ABCB1: variants seen among roughly 807,000 people sequenced by gnomAD.
The protein encoded by ABCB1 is ATP-dependent translocase ABCB1.
ABCB1 carries 69 observed loss-of-function variants against 142.0 expected under a neutral mutation model. The ratio of observed to expected loss-of-function variants is 0.49; its 90% CI spans 0.40 to 0.59. The LOEUF (loss-of-function observed/expected upper bound fraction) is 0.59, where lower values mean the gene tolerates loss of function less well. Ranked by LOEUF, ABCB1 falls within the 20% of genes least tolerant of loss-of-function variation. The probability of loss-of-function intolerance (pLI) is 0.00; values close to 1 mark genes in which losing one functional copy is unlikely to be tolerated. For missense variants in ABCB1, 1,326 were observed against 1,554.7 expected (o/e 0.85, Z 2.47); for synonymous variants, 532 against 539.2 (o/e 0.99, Z 0.18).
At chr7:87,706,335 G>T (rs923478135) in intron 1 of ABCB1, among the ~76,000 whole-genome samples, 10 of 151,970 alleles carry the variant, frequency 6.6e-5, no homozygotes, top group South Asian at 2.1e-4. Context: ...CATTTTATAA[G>T]ATCAGCTTGG....
At chr7:87,556,166 T>C (rs544234530) in intron 8 of ABCB1, among the ~76,000 whole-genome samples, 25 of 152,176 alleles carry the variant, frequency 1.6e-4, no homozygotes, top group Non-Finnish European at 3.2e-4. Context: ...TAAAAGAGAC[T>C]AAAGTTATAT....
At chr7:87,698,712 T>C (rs1476508678) in intron 1 of ABCB1, among the ~76,000 whole-genome samples, 1 of 152,194 alleles carries the variant, frequency 6.6e-6, no homozygotes, top group African/African-American at 2.4e-5. Context: ...GTGTTAGAGA[T>C]TGATCTAAAA....
intron 1 of ABCB1, among the ~76,000 whole-genome samples, chr7:87,680,743 C>A (rs181254158): frequency 6.7e-6 from 1 of 149,616 alleles, no homozygotes; most frequent in Non-Finnish European, 1.5e-5. Flanking sequence ...TGCAGTGAGC[C>A]AAGATCGCGC....
chr7:87,699,966 C>G (rs1828871069), intron 1 of ABCB1, among the ~76,000 whole-genome samples: 1 of 151,140 alleles, frequency 6.6e-6, no homozygotes, highest in African/African-American at 2.4e-5. Context: ...TTTGAAGTAT[C>G]CTTATGAAGA....
At chr7:87,612,070 C>A (rs1171214600) in intron 1 of ABCB1, among the ~76,000 whole-genome samples, 2 of 152,088 alleles carry the variant, frequency 1.3e-5, no homozygotes, top group African/African-American at 2.4e-5. Flanking sequence ...TGATTATCTT[C>A]ATTTTAAAGA....
At chr7:87,507,655 G>A (rs1021415088) in intron 26 of ABCB1, among the ~76,000 whole-genome samples, 3 of 152,174 alleles carry the variant, frequency 2.0e-5, no homozygotes, top group South Asian at 2.1e-4. Flanking sequence ...TTGGGAAAGA[G>A]AGCCACCTGG....
intron 1 of ABCB1, among the ~76,000 whole-genome samples, chr7:87,701,963 G>T (rs1829082496): frequency 6.6e-6 from 1 of 151,788 alleles, no homozygotes; most frequent in African/African-American, 2.4e-5. Flanking sequence ...CTAACATGGT[G>T]AAACCCCGTC....
At chr7:87,700,908 G>T (rs1479665025) in intron 1 of ABCB1, among the ~76,000 whole-genome samples, 1 of 152,214 alleles carries the variant, frequency 6.6e-6, no homozygotes, top group East Asian at 1.9e-4. Context: ...ACGAATTAAT[G>T]CAGTGACATC....
In ABCB1 at chr7:87,509,347, C is replaced by T. The variant is rs748647411; in HGVS notation, c.3417G>A (p.Val1139=). The change falls in exon 26 of 28, where the codon GTG becomes GTA. Residue 1139 remains valine (V), a synonymous_variant. Coordinates refer to ENST00000622132, the MANE Select transcript of ABCB1 (RefSeq NM_001348946.2). ...CCCTCACAATCTCTTCCTGTGACAC[C>T]ACCCGGCTGTTGTCTCCATAGGCAA... ...ENIAYGDNSR[V]VSQEEIVRAA... 1 of 1,614,080 alleles carries T rather than the reference C, an allele frequency of 6.2e-7. No individual in the cohort carries two copies. The highest frequency in any genetic ancestry group is 1.7e-5 in the Admixed American group (1 of 60,010).
At position 87,701,999 on chromosome 7, in the gene ABCB1, C is replaced by T. The variant is rs374116385; in HGVS notation, c.-331+11162G>A. 5.3e-5 allele frequency among the ~76,000 whole-genome samples: 8 copies of T among 151,600 alleles called. No individual in the cohort carries two copies. In the East Asian group the frequency reaches 9.8e-4, roughly 19 times the overall value. On this transcript the variant is annotated intron_variant, in intron 1 of 28. Transcript: ENST00000265724. ...TCTACTGAAAATATAAAAAATTAGC[C>T]AGGCGTGGTGGTGGGCACCTGTAAT...
chr7:87,704,023 C>A (rs550731985), intron 1 of ABCB1, among the ~76,000 whole-genome samples: 1 of 139,974 alleles, frequency 7.1e-6, no homozygotes, highest in African/African-American at 2.6e-5. Context: ...CAGGCTCAAG[C>A]AATTCTCCTG....
chr7:87,632,710 C>T (rs942524412), intron 1 of ABCB1, among the ~76,000 whole-genome samples: 2 of 151,894 alleles, frequency 1.3e-5, no homozygotes, highest in African/African-American at 4.8e-5. Flanking sequence ...TTTTTTCTGT[C>T]CTTTATAAGC....
At chr7:87,526,146 A>G (rs182560532) in intron 21 of ABCB1, among the ~76,000 whole-genome samples, 4 of 148,192 alleles carry the variant, frequency 2.7e-5, no homozygotes, top group Admixed American at 2.7e-4. Context: ...CTATACCTTG[A>G]AAGCCTTCAC....
intron 4 of ABCB1, among the ~76,000 whole-genome samples, chr7:87,575,617 C>T (rs908791338): frequency 2.1e-4 from 32 of 152,072 alleles, no homozygotes; most frequent in African/African-American, 7.2e-4. Context: ...CCATCAACCG[C>T]AGGGAAGGGG....
At chr7:87,679,234 A>C (rs943318807) in intron 1 of ABCB1, among the ~76,000 whole-genome samples, 1 of 148,848 alleles carries the variant, frequency 6.7e-6, no homozygotes, top group Non-Finnish European at 1.5e-5. Context: ...CTGGGACTAC[A>C]GGTGCCCGCC....
chr7:87,546,978 G>A (rs1208753371), intron 14 of ABCB1, among the ~76,000 whole-genome samples: 2 of 152,200 alleles, frequency 1.3e-5, no homozygotes, highest in Non-Finnish European at 2.9e-5. Context: ...TCCATAGTTA[G>A]TGATACTTAT....
At chr7:87,654,144 A>G (rs530833256) in intron 1 of ABCB1, among the ~76,000 whole-genome samples, 1 of 152,034 alleles carries the variant, frequency 6.6e-6, no homozygotes. Flanking sequence ...TAAAATGTTT[A>G]TATTAACAAT....
rs199922329 is a variant in ABCB1 at position 87,549,453 on chromosome 7, G to A, written c.1620C>T (p.Ala540=). ...QLSGGQKQRI[A]IARALVRNPK... Reference sequence around the variant, plus strand: ...GGTTGCGAACCAGGGCACGTGCAATGGCGATCCTCTGCTTCTGCCCACCAC... The same window carrying A: ...GGTTGCGAACCAGGGCACGTGCAATAGCGATCCTCTGCTTCTGCCCACCAC... The change falls in exon 14 of 28, where the codon GCC becomes GCT. Residue 540 remains alanine (A), a synonymous_variant. Transcript: ENST00000622132. 2.2e-5 allele frequency: 36 copies of A among 1,614,014 alleles called. No individual in the cohort carries two copies. The highest frequency in any genetic ancestry group is 2.8e-5 in the Non-Finnish European group (33 of 1,180,036).
chr7:87,547,844 C>A (rs1427784050), intron 14 of ABCB1, among the ~76,000 whole-genome samples: 1 of 102,938 alleles, frequency 9.7e-6, no homozygotes, highest in Non-Finnish European at 1.9e-5. Context: ...GAGCGAGACT[C>A]CATCTCAAAA....
Sources: gnomAD v4.1 joint callset for allele counts (sites outside exome capture counted in the v4.1 genomes callset) on GRCh38, gnomAD v4.1.1 for gene constraint, MANE v1.5 for transcripts, NCBI Gene and HGNC (gene_info 2026-07-23, HGNC 2026-07-21) for gene names.